PTPRN2: variants seen among roughly 807,000 people sequenced by gnomAD.
The protein encoded by PTPRN2 is receptor-type tyrosine-protein phosphatase N2.
In PTPRN2, 74 loss-of-function variants were observed where a neutral mutation model predicts 118.8. That is an observed-to-expected ratio of 0.62 (90% CI 0.52 to 0.76). The LOEUF (loss-of-function observed/expected upper bound fraction) is 0.76, where lower values mean the gene tolerates loss of function less well. Ranked by LOEUF, PTPRN2 falls within the 30% of genes least tolerant of loss-of-function variation. The pLI is 0.00. For synonymous variants in PTPRN2, 641 were observed against 608.0 expected, an observed-to-expected ratio of 1.05 and a Z score of -0.80; for missense variants, 1,481 against 1,394.4, an observed-to-expected ratio of 1.06 and a Z score of -0.99.
At chr7:157,661,491 G>A (rs1000117693) in intron 13 of PTPRN2, among the ~76,000 whole-genome samples, 3 of 152,082 alleles carry the variant, frequency 2.0e-5, no homozygotes, top group Admixed American at 6.5e-5. Context: ...GCTCTAGCCC[G>A]GCGCTGCTCC....
intron 22 of PTPRN2, among the ~76,000 whole-genome samples, chr7:157,541,150 A>G (rs979292446): frequency 6.6e-6 from 1 of 152,080 alleles, no homozygotes; most frequent in African/African-American, 2.4e-5. Flanking sequence ...ATTCCTCCTC[A>G]CAGCCACCCG....
intron 10 of PTPRN2, among the ~76,000 whole-genome samples, chr7:158,086,310 A>C (rs1813407813): frequency 6.6e-6 from 1 of 152,162 alleles, no homozygotes; most frequent in Non-Finnish European, 1.5e-5. Context: ...TAACCATCAG[A>C]ACAGACACAC....
In PTPRN2 at chr7:157,845,877, G is replaced by C. The variant is rs1808771298; in HGVS notation, c.1788+52796C>G. On this transcript the variant is annotated intron_variant, in intron 12 of 22. Transcript: ENST00000389418. The surrounding 1 kb of genome is among the most constrained non-coding windows in gnomAD (Gnocchi z 4.5). ...CACAAAACACAAAAATTAACCCCAG[G>C]CAGATTAAAGCCTAAATGGGGGGAA... 6.6e-6 allele frequency among the ~76,000 whole-genome samples: 1 copy of C among 152,168 alleles called. No individual in the cohort carries two copies. The highest frequency in any genetic ancestry group is 6.5e-5 in the Admixed American group (1 of 15,286).
intron 2 of PTPRN2, among the ~76,000 whole-genome samples, chr7:158,437,532 A>G (rs975026153): frequency 2.0e-5 from 3 of 152,198 alleles, no homozygotes; most frequent in African/African-American, 7.2e-5. Context: ...CTAGACAGCC[A>G]GATCGAGGGT....
intron 1 of PTPRN2, among the ~76,000 whole-genome samples, chr7:158,562,064 GTC>G (rs1046528806): frequency 2.0e-5 from 3 of 152,334 alleles, no homozygotes; most frequent in Admixed American, 6.5e-5. Flanking sequence ...TCCAAGAGAA[GTC>G]TCTCTGTCAG....
intron 14 of PTPRN2, among the ~76,000 whole-genome samples, chr7:157,635,421 A>G (rs1387720914): frequency 6.6e-6 from 1 of 152,254 alleles, no homozygotes; most frequent in Non-Finnish European, 1.5e-5. Context: ...TGCAGGTGCA[A>G]TGTACTGAGC....
At chr7:158,384,160 G>A (rs992835334) in intron 2 of PTPRN2, among the ~76,000 whole-genome samples, 5 of 152,194 alleles carry the variant, frequency 3.3e-5, no homozygotes, top group Admixed American at 3.3e-4. Context: ...AAGGTACTTG[G>A]CACACATGTC....
intron 12 of PTPRN2, among the ~76,000 whole-genome samples, chr7:157,737,207 C>A (rs942186446): frequency 2.0e-5 from 3 of 152,264 alleles, no homozygotes; most frequent in African/African-American, 4.8e-5. Flanking sequence ...TATCTTCATG[C>A]GTCTTCCTTC....
At chr7:157,843,652 G>A (rs974521273) in intron 12 of PTPRN2, among the ~76,000 whole-genome samples, 5 of 152,200 alleles carry the variant, frequency 3.3e-5, no homozygotes, top group Non-Finnish European at 7.3e-5. Flanking sequence ...TTGAGTGCAG[G>A]TGTCGGAAAA....
chr7:158,370,752 C>CA (rs200454961), intron 2 of PTPRN2, among the ~76,000 whole-genome samples: 10 of 151,744 alleles, frequency 6.6e-5, no homozygotes, highest in African/African-American at 2.2e-4. Flanking sequence ...ACTCCTGTCT[C>CA]AAAAAAATTT....
At chr7:158,340,610 C>A (rs1345626633) in intron 2 of PTPRN2, among the ~76,000 whole-genome samples, 1 of 113,950 alleles carries the variant, frequency 8.8e-6, no homozygotes, top group Non-Finnish European at 1.9e-5. Flanking sequence ...CTCACACCCA[C>A]ACACGTCACT....
intron 2 of PTPRN2, among the ~76,000 whole-genome samples, chr7:158,417,525 T>A (rs149171457): frequency 1.3e-5 from 2 of 150,102 alleles, no homozygotes; most frequent in African/African-American, 5.0e-5. Context: ...AGTCATGGTG[T>A]ACTACATCGA....
intron 12 of PTPRN2, among the ~76,000 whole-genome samples, chr7:157,806,072 A>G (rs1805613191): frequency 6.6e-6 from 1 of 152,234 alleles, no homozygotes; most frequent in Non-Finnish European, 1.5e-5. Flanking sequence ...AGAGCAGACT[A>G]TCACAAGCCA....
chr7:158,400,080 G>A lies in PTPRN2; in HGVS notation c.164-83148C>T, dbSNP rs192730233. Reference sequence around the variant, plus strand: ...ACTGGGGTGAGGAGAGGAAGTAAACGCTTTTCTCATGTAACAGATGCCTTT... The same window carrying A: ...ACTGGGGTGAGGAGAGGAAGTAAACACTTTTCTCATGTAACAGATGCCTTT... On this transcript the variant is annotated intron_variant, in intron 2 of 22. Coordinates refer to ENST00000389418, the MANE Select transcript of PTPRN2 (RefSeq NM_002847.5). 1.4e-4 allele frequency among the ~76,000 whole-genome samples: 21 copies of A among 152,256 alleles called. No individual in the cohort carries two copies. In the South Asian group the frequency reaches 2.9e-3, roughly 21 times the overall value.
intron 12 of PTPRN2, among the ~76,000 whole-genome samples, chr7:157,829,237 A>G (rs569353103): frequency 1.2e-4 from 19 of 152,400 alleles, no homozygotes; most frequent in African/African-American, 4.1e-4. Context: ...TTTAAAGTCA[A>G]AAACAAAAAG....
At chr7:158,120,467 A>G (rs991777339) in intron 9 of PTPRN2, among the ~76,000 whole-genome samples, 8 of 152,080 alleles carry the variant, frequency 5.3e-5, no homozygotes, top group Admixed American at 5.2e-4. Context: ...TCCAATCTCT[A>G]TTTCAGCAGA....
intron 2 of PTPRN2, among the ~76,000 whole-genome samples, chr7:158,466,099 G>A (rs913490486): frequency 1.3e-5 from 2 of 152,186 alleles, no homozygotes; most frequent in African/African-American, 4.8e-5. Flanking sequence ...GCAACATGAT[G>A]TTGGATACAT....
intron 12 of PTPRN2, among the ~76,000 whole-genome samples, chr7:157,772,716 G>A (rs113857436): frequency 0.01 from 1,594 of 152,358 alleles, 23 homozygotes; most frequent in African/African-American, 0.026. Flanking sequence ...TCTCTTGGCC[G>A]GGTCTGGGGG....
intron 5 of PTPRN2, among the ~76,000 whole-genome samples, chr7:158,177,489 A>G: frequency 6.6e-6 from 1 of 152,184 alleles, no homozygotes; most frequent in East Asian, 1.9e-4. Context: ...CATGACAATG[A>G]ACACGTCCGT....
Sources: allele counts gnomAD v4.1 joint callset (sites outside exome capture counted in the v4.1 genomes callset), GRCh38; gene constraint gnomAD v4.1.1; non-coding constraint Gnocchi (gnomAD v3.1); transcripts MANE v1.5; gene names NCBI Gene and HGNC (gene_info 2026-07-23, HGNC 2026-07-21).